NBAS: variants seen among roughly 807,000 people sequenced by gnomAD.
The protein encoded by NBAS is NAG/BC035112 fusion.
A neutral mutation model predicts 302.5 loss-of-function variants in NBAS; 219 were observed. That is an observed-to-expected ratio of 0.72 (90% confidence interval 0.65 to 0.81). NBAS has a LOEUF of 0.81. Ranked by LOEUF, NBAS falls within the 30% of genes least tolerant of loss-of-function variation. The probability of loss-of-function intolerance (pLI) is 0.00; values close to 1 mark genes in which losing one functional copy is unlikely to be tolerated. For missense variants in NBAS, 2,932 were observed against 2,841.6 expected (o/e 1.03, Z -0.72); for synonymous variants, 1,118 against 1,021.6 (o/e 1.09, Z -1.80).
intron 21 of NBAS, among the ~76,000 whole-genome samples, chr2:15,459,553 C>T (rs1679411851): frequency 7.1e-6 from 1 of 141,378 alleles, no homozygotes; most frequent in African/African-American, 2.6e-5. Context: ...TGCGATAGCT[C>T]ACTGCAAGCT....
At chr2:15,219,551 A>G (rs1190978352) in intron 47 of NBAS, among the ~76,000 whole-genome samples, 4 of 136,632 alleles carry the variant, frequency 2.9e-5, no homozygotes, top group Non-Finnish European at 4.6e-5. Flanking sequence ...GCCTTCAAGC[A>G]TCTGTTTAAC....
chr2:14,862,254 T>G, the NBAS span, among the ~76,000 whole-genome samples: 1 of 151,932 alleles, frequency 6.6e-6, no homozygotes, highest in Non-Finnish European at 1.5e-5. Context: ...TTTTTCTGCC[T>G]CAGCCTCCCA....
the NBAS span, among the ~76,000 whole-genome samples, chr2:14,790,026 A>T: frequency 6.6e-6 from 1 of 152,232 alleles, no homozygotes; most frequent in Non-Finnish European, 1.5e-5. Flanking sequence ...TGCCAGGCAC[A>T]GAATATGGAT....
the NBAS span, among the ~76,000 whole-genome samples, chr2:14,940,394 TC>T: frequency 6.6e-6 from 1 of 152,114 alleles, no homozygotes; most frequent in Non-Finnish European, 1.5e-5. Flanking sequence ...CCCTTCCCCT[TC>T]CGCCATGATT....
the NBAS span, among the ~76,000 whole-genome samples, chr2:15,063,963 T>A: frequency 6.6e-6 from 1 of 152,100 alleles, no homozygotes; most frequent in African/African-American, 2.4e-5. Context: ...ATTTGTTCTA[T>A]CTCCCATAAG....
At chr2:15,312,940 C>T (rs1468182774) in intron 38 of NBAS, among the ~76,000 whole-genome samples, 1 of 152,148 alleles carries the variant, frequency 6.6e-6, no homozygotes, top group Non-Finnish European at 1.5e-5. Flanking sequence ...TTTCAATAGC[C>T]CCCCAATGCT....
intron 32 of NBAS, among the ~76,000 whole-genome samples, chr2:15,366,130 C>A (rs1372584921): frequency 6.6e-6 from 1 of 152,170 alleles, no homozygotes; most frequent in Non-Finnish European, 1.5e-5. Flanking sequence ...ATAAAGTTTT[C>A]TAACAAATTG....
intron 18 of NBAS, 78 bp downstream of exon 18, chr2:15,467,586 T>C (rs545741115): frequency 1.4e-6 from 2 of 1,429,404 alleles, no homozygotes; most frequent in East Asian, 4.6e-5. Context: ...TTTGGACTAA[T>C]TATTACTAGT....
At chr2:14,940,249 C>T in the NBAS span, among the ~76,000 whole-genome samples, 32 of 152,330 alleles carry the variant, frequency 2.1e-4, no homozygotes, top group African/African-American at 7.2e-4. Flanking sequence ...CCTTAGAGAC[C>T]TGACTGCTGG....
chr2:15,227,780 A>G lies in NBAS; in HGVS notation c.6236+4642T>C, dbSNP rs73194965. Among the ~76,000 whole-genome samples, 1,385 of 152,342 alleles carry G rather than the reference A, an allele frequency of 9.1e-3. 17 individuals are homozygous for G. Among genetic ancestry groups the G allele is most frequent in the African/African-American group, 0.032 (1,312 of 41,578 alleles). On this transcript the variant is annotated intron_variant, in intron 47 of 51. Transcript: ENST00000281513. ...ATGGTGCTGAGAAAATTAGATAACCACACGAAAAAGAATGAAACTGGACTT... is the reference window on the plus strand; with the variant it reads ...ATGGTGCTGAGAAAATTAGATAACCGCACGAAAAAGAATGAAACTGGACTT...
chr2:14,883,091 A>G, the NBAS span, among the ~76,000 whole-genome samples: 52 of 152,382 alleles, frequency 3.4e-4, no homozygotes, highest in Non-Finnish European at 6.0e-4. Context: ...CGTCAACTTA[A>G]GCATTTGCTT....
At chr2:14,915,759 A>G in the NBAS span, among the ~76,000 whole-genome samples, 1 of 151,980 alleles carries the variant, frequency 6.6e-6, no homozygotes, top group Non-Finnish European at 1.5e-5. Flanking sequence ...ATGGGGTTTC[A>G]CCATATTGGC....
intron 2 of NBAS, among the ~76,000 whole-genome samples, chr2:15,558,279 A>G (rs1664736412): frequency 6.6e-6 from 1 of 152,154 alleles, no homozygotes; most frequent in Admixed American, 6.5e-5. Context: ...CCTGTTTCCT[A>G]ACAGACCACA....
chr2:15,062,255 T>C, the NBAS span, among the ~76,000 whole-genome samples: 2 of 152,216 alleles, frequency 1.3e-5, no homozygotes, highest in East Asian at 1.9e-4. Flanking sequence ...TCAGAAAGCA[T>C]GTCTCAGCCA....
At chr2:15,269,625 T>C (rs1337138920) in intron 44 of NBAS, among the ~76,000 whole-genome samples, 1 of 152,240 alleles carries the variant, frequency 6.6e-6, no homozygotes, top group Non-Finnish European at 1.5e-5. Flanking sequence ...TATTAATGAA[T>C]GAGATTTTTT....
chr2:15,126,222 C>T, the NBAS span, among the ~76,000 whole-genome samples: 1 of 152,206 alleles, frequency 6.6e-6, no homozygotes, highest in Non-Finnish European at 1.5e-5. Flanking sequence ...ATGTGACATG[C>T]TGGCTCCCTG....
In NBAS at chr2:15,478,128, G is replaced by C; in HGVS notation, c.1147+98C>G. 6 of 872,338 alleles carry C rather than the reference G, an allele frequency of 6.9e-6. 1 individual carries two copies. In the South Asian group the frequency reaches 7.7e-5, roughly 11 times the overall value. 54.0% of individuals were successfully genotyped at this position (872,338 alleles called of 1,614,324 possible). A position where few individuals can be genotyped will look rare whatever the true frequency, so the allele number is the denominator to read the frequency against. ...ATCTTGATGTTTCTTCCAAAGTGCA[G>C]CAAAAGTATCTAGAGACTTTTTATA... On this transcript the variant is annotated intron_variant, in intron 13 of 51. Coordinates refer to ENST00000281513, the MANE Select transcript of NBAS (RefSeq NM_015909.4).
the NBAS span, among the ~76,000 whole-genome samples, chr2:15,085,566 C>T: frequency 6.6e-6 from 1 of 152,134 alleles, no homozygotes; most frequent in Non-Finnish European, 1.5e-5. Flanking sequence ...GGGGCATGGC[C>T]ATGGCTGCAT....
At chr2:15,451,669 A>G (rs891089805) in intron 21 of NBAS, among the ~76,000 whole-genome samples, 5 of 152,292 alleles carry the variant, frequency 3.3e-5, no homozygotes, top group African/African-American at 1.2e-4. Context: ...TTTTCATATC[A>G]TAAGTTTTAC....
Sources: allele counts gnomAD v4.1 joint callset (sites outside exome capture counted in the v4.1 genomes callset), GRCh38; gene constraint gnomAD v4.1.1; transcripts MANE v1.5; gene names NCBI Gene and HGNC (gene_info 2026-07-23, HGNC 2026-07-21).